FMR1: variants seen among roughly 807,000 people sequenced by gnomAD.
FMR1 encodes fragile X messenger ribonucleoprotein 1.
Under a neutral mutation model 50.6 loss-of-function variants are expected in FMR1, and 13 were observed. That is an observed-to-expected ratio of 0.26 (90% CI 0.17 to 0.41). The LOEUF (loss-of-function observed/expected upper bound fraction) is 0.41. Ranked by LOEUF, FMR1 falls within the 10% of genes least tolerant of loss-of-function variation. The pLI is 1.00. For synonymous variants in FMR1, 138 were observed against 164.1 expected (o/e 0.84, Z 1.22); for missense variants, 316 against 491.3 (o/e 0.64, Z 3.37).
At chrX:147,945,141 C>A in intron 15 of FMR1, 90 bp downstream of exon 15, 2 of 1,131,207 alleles carry the variant, frequency 1.8e-6, no homozygotes, top group Non-Finnish European at 2.4e-6. Context: ...TGAACTGTTA[C>A]CAAGATCCCA....
At chrX:147,946,478 A>G (rs1027502002) in intron 16 of FMR1, among the ~76,000 whole-genome samples, 1 of 112,167 alleles carries the variant, frequency 8.9e-6, no homozygotes, top group Non-Finnish European at 1.9e-5. Flanking sequence ...TGCTAAACCA[A>G]TTGTTAAATA....
chrX:147,922,794 G>A (rs1318282408), intron 2 of FMR1, among the ~76,000 whole-genome samples: 2 of 111,394 alleles, frequency 1.8e-5, no homozygotes, highest in Admixed American at 9.5e-5. Context: ...AAAGCAGGCT[G>A]CAAATCTATA....
In FMR1 at chrX:147,949,002, C is replaced by T. The variant is rs1557182789; in HGVS notation, c.*158C>T. The T allele has an allele frequency of 5.4e-6, 3 of 557,596 alleles. No homozygotes were observed. The African/African-American group carries it at 6.8e-5, about 13-fold the overall frequency. 46.0% of individuals were successfully genotyped at this position (557,596 alleles called of 1,213,427 possible). On this transcript the variant is annotated 3_prime_UTR_variant, in exon 17 of 17. Coordinates refer to ENST00000370475, the MANE Select transcript of FMR1 (RefSeq NM_002024.6). ...AGAATTTTTTATTTTTTGGTATTGG[C>T]CATAAGCAACAATTTTCAGATTTGC...
intron 1 of FMR1, among the ~76,000 whole-genome samples, chrX:147,919,092 T>C (rs1197734788): frequency 1.8e-5 from 2 of 111,836 alleles, no homozygotes; most frequent in Non-Finnish European, 3.8e-5. Flanking sequence ...ACTGCCAAGA[T>C]GTATAAACAT....
chrX:147,946,754 T>C (rs1313108684), intron 16 of FMR1, among the ~76,000 whole-genome samples: 2 of 112,462 alleles, frequency 1.8e-5, no homozygotes, highest in East Asian at 5.6e-4. Flanking sequence ...TTAGGGTTCC[T>C]TCCTGACTAT....
At position 147,928,885 on chromosome X, in the gene FMR1, AT is replaced by A. The variant is rs1265551999; in HGVS notation, c.419+84del. ...TTAGAAGAATTTCTAGTAGTTTAAA[AT>A]TTTTTAAACTACTAGAAATTGATTT... On this transcript the variant is annotated intron_variant, in intron 5 of 16. Coordinates refer to ENST00000370475, the MANE Select transcript of FMR1 (RefSeq NM_002024.6). 1.1e-5 allele frequency: 12 copies of A among 1,061,212 alleles called. 1 individual carries two copies. The highest frequency in any genetic ancestry group is 2.5e-4 in the Middle Eastern group (1 of 3,948). 87.5% of individuals were successfully genotyped at this position (1,061,212 alleles called of 1,213,427 possible).
At position 147,943,264 on chromosome X, in the gene FMR1, G is replaced by C. The variant is rs1569546020; in HGVS notation, c.1409G>C (p.Gly470Ala). Residue 470 changes from glycine (G) to alanine (A), a missense_variant, in exon 14 of 17, where the codon GGT becomes GCT. Transcript: ENST00000370475. ...GTGACTGATGATGGTCAAGGAATGGGTCGAGGTAGTAGACCTTACAGAAAT... is the reference window on the plus strand; with the variant it reads ...GTGACTGATGATGGTCAAGGAATGGCTCGAGGTAGTAGACCTTACAGAAAT... ...SYVTDDGQGM[G>A]RGSRPYRNRG... The C allele has an allele frequency of 8.3e-7, 1 of 1,211,024 alleles. No individual in the cohort carries two copies. Among genetic ancestry groups the C allele is most frequent in the Non-Finnish European group, 1.1e-6 (1 of 895,073 alleles).
chrX:147,937,343 A>ACCAAAACTGTTTATAAT, intron 10 of FMR1, 123 bp from the exon 11 acceptor site: 2 of 501,225 alleles, frequency 4.0e-6, no homozygotes, highest in Non-Finnish European at 7.0e-6. Flanking sequence ...AATTTTATAA[A>ACCAAAACTGTTTATAAT]CCAAAACTGT....
At chrX:147,920,977 A>G (rs1557176289) in intron 1 of FMR1, among the ~76,000 whole-genome samples, 2 of 112,027 alleles carry the variant, frequency 1.8e-5, no homozygotes, top group African/African-American at 6.5e-5. Context: ...TGGGGAGGAC[A>G]GCTCCTGTAG....
chrX:147,919,816 T>C (rs781792641), intron 1 of FMR1, among the ~76,000 whole-genome samples: 1 of 112,380 alleles, frequency 8.9e-6, no homozygotes, highest in South Asian at 3.6e-4. Context: ...TTCCATAGTT[T>C]TTCTTAAGAG....
chrX:147,931,459 A>G (rs1162844056), intron 7 of FMR1, among the ~76,000 whole-genome samples: 1 of 112,037 alleles, frequency 8.9e-6, no homozygotes, highest in Non-Finnish European at 1.9e-5. Context: ...TGCTAGTTGT[A>G]TTCATTCATT....
chrX:147,946,695 G>A (rs1557182058), intron 16 of FMR1, among the ~76,000 whole-genome samples: 1 of 112,336 alleles, frequency 8.9e-6, no homozygotes, highest in Non-Finnish European at 1.9e-5. Context: ...CTGATTCTCT[G>A]AATCTATGTT....
At chrX:147,945,163 T>C in intron 15 of FMR1, 112 bp downstream of exon 15, 1 of 1,071,378 alleles carries the variant, frequency 9.3e-7, no homozygotes, top group Admixed American at 2.6e-5. Context: ...CTCTCCCGTT[T>C]TGTGCTGATA....
At chrX:147,924,247 A>G (rs1037128877) in intron 2 of FMR1, among the ~76,000 whole-genome samples, 4 of 110,843 alleles carry the variant, frequency 3.6e-5, no homozygotes, top group African/African-American at 1.3e-4. Flanking sequence ...ACAAATTCTG[A>G]CTTAATATTT....
At chrX:147,917,384 A>G (rs1340235124) in intron 1 of FMR1, among the ~76,000 whole-genome samples, 1 of 111,680 alleles carries the variant, frequency 9.0e-6, no homozygotes, top group African/African-American at 3.3e-5. Context: ...TATTGTAATT[A>G]CCTCTTTGGC....
At chrX:147,912,329 C>T (rs2042620916) in intron 1 of FMR1, 99 bp downstream of exon 1, 2 of 844,813 alleles carry the variant, frequency 2.4e-6, no homozygotes, top group African/African-American at 2.0e-5. Flanking sequence ...TTCCCGAGCA[C>T]CGCGCCTGGG....
intron 2 of FMR1, among the ~76,000 whole-genome samples, chrX:147,925,228 C>T (rs1237601000): frequency 1.8e-5 from 2 of 111,915 alleles, no homozygotes; most frequent in Admixed American, 1.9e-4. Flanking sequence ...CTGTTGTGGA[C>T]TTATGTTTAA....
In FMR1 at chrX:147,929,833, T is replaced by G. The variant is rs2043528544; in HGVS notation, c.420-115T>G. ...GCTTCTAAATGGATATAGCATATTT[T>G]GCATAAATCAAATTTAATATGAATC... On this transcript the variant is annotated intron_variant, in intron 5 of 16. Transcript: ENST00000370475. The G allele has an allele frequency of 1.9e-5, 10 of 516,846 alleles. No homozygotes were observed. In the South Asian group the frequency reaches 2.9e-4, roughly 15 times the overall value. The allele number at this position is 516,846 out of a possible 1,213,427, so 42.6% of individuals were successfully genotyped here.
intron 3 of FMR1, among the ~76,000 whole-genome samples, chrX:147,926,929 G>C (rs1195418402): frequency 2.7e-5 from 3 of 111,950 alleles, no homozygotes; most frequent in Non-Finnish European, 3.8e-5. Flanking sequence ...AAAAGGGAGA[G>C]GATGAAAGGT....
Sources: gnomAD v4.1 joint callset for allele counts (sites outside exome capture counted in the v4.1 genomes callset) on GRCh38, gnomAD v4.1.1 for gene constraint, MANE v1.5 for transcripts, NCBI Gene and HGNC (gene_info 2026-07-23, HGNC 2026-07-21) for gene names.